The following RAPGEF4 variants were observed in gnomAD, a reference collection of about 807,000 sequenced individuals.
RAPGEF4 encodes the protein Rap guanine nucleotide exchange factor 4.
In RAPGEF4, 66 loss-of-function variants were observed where a neutral mutation model predicts 147.9. That is an observed-to-expected ratio of 0.45 (90% CI 0.37 to 0.55). The LOEUF is 0.55. Among genes scored for constraint, RAPGEF4 ranks in the 20% least tolerant of loss-of-function variants. The probability of loss-of-function intolerance (pLI) is 0.00; values close to 1 mark genes in which losing one functional copy is unlikely to be tolerated. For synonymous variants in RAPGEF4, 419 were observed against 442.7 expected, an observed-to-expected ratio of 0.95 and a Z score of 0.67; for missense variants, 1,071 against 1,257.3, an observed-to-expected ratio of 0.85 and a Z score of 2.24.
At chr2:172,955,550 G>T (rs369899799) in intron 6 of RAPGEF4, among the ~76,000 whole-genome samples, 2 of 152,142 alleles carry the variant, frequency 1.3e-5, no homozygotes, top group African/African-American at 2.4e-5. Flanking sequence ...GCCCCATTTG[G>T]ATTCTTTCAT....
intron 4 of RAPGEF4, among the ~76,000 whole-genome samples, chr2:172,891,782 T>C (rs928659486): frequency 3.3e-5 from 5 of 152,194 alleles, no homozygotes; most frequent in Non-Finnish European, 7.4e-5. Flanking sequence ...TCTGATGACA[T>C]AAATACAAGA....
chr2:172,898,000 AC>A (rs1217758563), intron 4 of RAPGEF4, among the ~76,000 whole-genome samples: 2 of 152,082 alleles, frequency 1.3e-5, no homozygotes, highest in East Asian at 3.9e-4. Flanking sequence ...GTGTAATTTC[AC>A]AACATCACTG....
At chr2:173,044,214 A>G (rs1007521544) in intron 29 of RAPGEF4, among the ~76,000 whole-genome samples, 2 of 136,858 alleles carry the variant, frequency 1.5e-5, no homozygotes, top group African/African-American at 5.6e-5. Flanking sequence ...TCCTGGAACC[A>G]TCTAAGGTAG....
intron 4 of RAPGEF4, among the ~76,000 whole-genome samples, chr2:172,861,628 A>G (rs1384235565): frequency 6.6e-6 from 1 of 152,238 alleles, no homozygotes; most frequent in Non-Finnish European, 1.5e-5. Context: ...TATGTCTTCC[A>G]TCTTGTCCTA....
chr2:172,822,782 C>A lies in RAPGEF4; in HGVS notation c.444+8357C>A, dbSNP rs191533996. On this transcript the variant is annotated intron_variant, in intron 4 of 30. Coordinates refer to ENST00000397081, the MANE Select transcript of RAPGEF4 (RefSeq NM_007023.4). ...CAGGACTCTGTTGACACCTCACCCC[C>A]ACTCTCTCCCCTGCACTGTTCTCTT... 1.3e-4 allele frequency among the ~76,000 whole-genome samples: 20 copies of A among 152,348 alleles called. No homozygotes were observed. The East Asian group carries it at 3.3e-3, about 25-fold the overall frequency.
chr2:172,776,412 C>G (rs1684165280), intron 1 of RAPGEF4, among the ~76,000 whole-genome samples: 1 of 152,182 alleles, frequency 6.6e-6, no homozygotes, highest in African/African-American at 2.4e-5. Context: ...ATCTACCATA[C>G]TTAGAATGCT....
At chr2:173,036,316 C>T in intron 28 of RAPGEF4, 104 bp downstream of exon 28, 1 of 934,080 alleles carries the variant, frequency 1.1e-6, no homozygotes, top group East Asian at 2.6e-5. Flanking sequence ...ATGATCGATC[C>T]CATCCTTCTG....
At chr2:172,976,737 G>T (rs1204688673) in intron 10 of RAPGEF4, among the ~76,000 whole-genome samples, 2 of 152,142 alleles carry the variant, frequency 1.3e-5, no homozygotes, top group African/African-American at 4.8e-5. Flanking sequence ...TTGATGGCTG[G>T]ATGAATCCCT....
At chr2:172,967,487 G>T (rs773330829) in intron 10 of RAPGEF4, 43 bp downstream of exon 10, 12 of 1,577,090 alleles carry the variant, frequency 7.6e-6, no homozygotes, top group East Asian at 2.3e-5. Flanking sequence ...TCCCAAGGCC[G>T]CCTAGTGCAT....
In RAPGEF4 at chr2:173,014,107, G is replaced by A. The variant is rs1019379671; in HGVS notation, c.1659-357G>A. Among the ~76,000 whole-genome samples the A allele has an allele frequency of 8.5e-5, 13 of 152,318 alleles. No homozygotes were observed. The East Asian group carries it at 2.5e-3, about 29-fold the overall frequency. ...AACAACGGGTGGAAATGCACCCAGA[G>A]AGAAGCAATGGCAAGAAACATTACC... is the stretch of plus-strand genomic sequence containing the variant. On this transcript the variant is annotated intron_variant, in intron 17 of 30. Coordinates refer to ENST00000397081, the MANE Select transcript of RAPGEF4 (RefSeq NM_007023.4).
intron 1 of RAPGEF4, among the ~76,000 whole-genome samples, chr2:172,759,913 G>A (rs1465874917): frequency 6.6e-6 from 1 of 152,220 alleles, no homozygotes; most frequent in African/African-American, 2.4e-5. Context: ...AAGGCAGAGA[G>A]AAAAGGCAGA....
chr2:173,049,778 G>A (rs1394113341), intron 30 of RAPGEF4, among the ~76,000 whole-genome samples: 1 of 152,162 alleles, frequency 6.6e-6, no homozygotes, highest in Non-Finnish European at 1.5e-5. Flanking sequence ...CTATTCTTAT[G>A]TGGATTCAGC....
At chr2:172,884,174 A>G (rs1190983340) in intron 4 of RAPGEF4, among the ~76,000 whole-genome samples, 3 of 152,168 alleles carry the variant, frequency 2.0e-5, no homozygotes, top group Non-Finnish European at 4.4e-5. Flanking sequence ...GTTAAAATGT[A>G]TGAGGTAGTT....
At chr2:173,027,465 C>T (rs1320986604) in intron 25 of RAPGEF4, among the ~76,000 whole-genome samples, 1 of 152,226 alleles carries the variant, frequency 6.6e-6, no homozygotes, top group East Asian at 1.9e-4. Context: ...AACTTCTTTA[C>T]AGCACTGATG....
intron 6 of RAPGEF4, among the ~76,000 whole-genome samples, chr2:172,937,204 G>C (rs1686682413): frequency 6.6e-6 from 1 of 151,834 alleles, no homozygotes; most frequent in African/African-American, 2.4e-5. Context: ...CTGGGCAGCA[G>C]AGCAAGACCC....
In RAPGEF4 at chr2:172,814,397, A is replaced by C. The variant is rs1233267408; in HGVS notation, c.416A>C (p.Glu139Ala). ...TRESSELLRI[E>A]QKDFKALWEK... is the part of the protein sequence containing the mutation. ...GAGAGCAGTGAACTGCTCCGCATCG[A>C]GCAGAAGGACTTCAAGGCACTATGG... is the stretch of plus-strand genomic sequence containing the variant. Residue 139 changes from glutamate (E) to alanine (A), a missense_variant, in exon 4 of 31, where the codon GAG becomes GCG. Transcript: ENST00000397081. The C allele has an allele frequency of 6.2e-7, 1 of 1,614,166 alleles. No homozygotes were observed.
intron 3 of RAPGEF4, among the ~76,000 whole-genome samples, chr2:172,809,203 G>C (rs917530239): frequency 6.6e-6 from 1 of 152,162 alleles, no homozygotes; most frequent in Non-Finnish European, 1.5e-5. Context: ...AGGTTAGTGT[G>C]GGGAGGGGCC....
rs1281262615 is a variant in RAPGEF4 at position 173,048,619 on chromosome 2, C to T, written c.2873C>T (p.Ala958Val). 6.2e-7 allele frequency: 1 copy of T among 1,613,962 alleles called. No homozygotes were observed. Among genetic ancestry groups the T allele is most frequent in the African/African-American group, 1.3e-5 (1 of 74,888 alleles). Reference protein sequence around the residue: ...FEKMRMIANTARTVRYYRSQP... With the variant: ...FEKMRMIANTVRTVRYYRSQP... Reference sequence around the variant, plus strand: ...TTTTAGCGCATGATTGCAAATACGGCCAGAACAGTGAGATACTACAGGAGC... The same window carrying T: ...TTTTAGCGCATGATTGCAAATACGGTCAGAACAGTGAGATACTACAGGAGC... The change falls in exon 30 of 31, where the codon GCC (alanine) becomes GTC (valine). Residue 958 changes from alanine to valine, a missense_variant. Transcript: ENST00000397081.
At chr2:172,930,526 C>A (rs1685810740) in intron 6 of RAPGEF4, among the ~76,000 whole-genome samples, 1 of 152,018 alleles carries the variant, frequency 6.6e-6, no homozygotes, top group Non-Finnish European at 1.5e-5. Flanking sequence ...CTTTGTTTGC[C>A]CCCCTCTTTT....
Sources: allele counts gnomAD v4.1 joint callset (sites outside exome capture counted in the v4.1 genomes callset), GRCh38; gene constraint gnomAD v4.1.1; transcripts MANE v1.5; gene names NCBI Gene and HGNC (gene_info 2026-07-23, HGNC 2026-07-21).